The following CD74 variants were observed in gnomAD, a reference collection of about 807,000 sequenced individuals.
CD74 encodes the protein CD74 molecule.
A neutral mutation model predicts 37.1 loss-of-function variants in CD74; 20 were observed. That is an observed-to-expected ratio of 0.54 (90% confidence interval 0.38 to 0.78). The LOEUF (loss-of-function observed/expected upper bound fraction) is 0.78, where lower values mean the gene tolerates loss of function less well. Ranked by LOEUF, CD74 falls within the 30% of genes least tolerant of loss-of-function variation. CD74 has a pLI of 0.00. For synonymous variants in CD74, 150 were observed against 152.0 expected, an observed-to-expected ratio of 0.99 and a Z score of 0.10; for missense variants, 338 against 389.5, an observed-to-expected ratio of 0.87 and a Z score of 1.11.
rs1561549786 is a variant in CD74, at chr5:150,402,454, G to GA, written c.880+108dup. The GA allele has an allele frequency of 2.0e-6, 2 of 1,022,906 alleles. No individual in the cohort carries two copies. The highest frequency in any genetic ancestry group is 3.1e-6 in the Non-Finnish European group (2 of 642,612). The allele number at this position is 1,022,906 out of a possible 1,614,324, so 63.4% of individuals were successfully genotyped here. A position where few individuals can be genotyped will look rare whatever the true frequency, so the allele number is the denominator to read the frequency against. On this transcript the variant is annotated intron_variant, in intron 8 of 8. Coordinates refer to ENST00000009530, the MANE Select transcript of CD74 (RefSeq NM_001025159.3). This position sits in a 1 kb window ranked among gnomAD's most constrained non-coding sequence, Gnocchi z 4.2. Reference sequence around the variant, plus strand: ...TTCGTCTGTGAAATGGACATCCCAGGAATGTTGGAGAGTGGCCCAGCGTCA... The same window carrying GA: ...TTCGTCTGTGAAATGGACATCCCAGGAAATGTTGGAGAGTGGCCCAGCGTCA...
rs2151167228 is a variant in CD74 at position 150,402,576 on chromosome 5, C to T, written c.867G>A (p.Gln289=). ...CAAGGCCCTTACCTGGGCCCAGATCCTGCTTGGTCACACCCAGCCCAGAAG... is the reference window on the plus strand; with the variant it reads ...CAAGGCCCTTACCTGGGCCCAGATCTTGCTTGGTCACACCCAGCCCAGAAG... ...DPSSGLGVTK[Q]DLGPVPM Residue 289 remains glutamine (Q), a synonymous_variant, in exon 8 of 9, where the codon CAG becomes CAA. Transcript: ENST00000009530. The surrounding 1 kb of genome is among the most constrained non-coding windows in gnomAD (Gnocchi z 4.2). 1.9e-6 allele frequency: 3 copies of T among 1,614,060 alleles called. No individual in the cohort carries two copies. The highest frequency in any genetic ancestry group is 2.5e-6 in the Non-Finnish European group (3 of 1,179,918).
chr5:150,402,411 G>A lies in CD74; in HGVS notation c.880+152C>T. On this transcript the variant is annotated intron_variant, in intron 8 of 8. Transcript: ENST00000009530. The surrounding 1 kb of genome is among the most constrained non-coding windows in gnomAD (Gnocchi z 4.2). ...TCATGGATTTGTGTAACTCCCCACA[G>A]CCCCCCAACCCTGTTCCTTCGTCTG... is the stretch of plus-strand genomic sequence containing the variant. 1 of 895,262 alleles carries A rather than the reference G, an allele frequency of 1.1e-6. No homozygotes were observed. The highest frequency in any genetic ancestry group is 2.4e-5 in the East Asian group (1 of 41,524). The allele number at this position is 895,262 out of a possible 1,614,324, so 55.5% of individuals were successfully genotyped here. A position where few individuals can be genotyped will look rare whatever the true frequency, so the allele number is the denominator to read the frequency against.
rs200893260 is a variant in CD74 at position 150,403,140 on chromosome 5, G to A, written c.798C>T (p.Arg266=). The change falls in exon 7 of 9, where the codon CGC becomes CGT. Residue 266 remains arginine (R), a synonymous_variant. Transcript: ENST00000009530. The surrounding 1 kb of genome is among the most constrained non-coding windows in gnomAD (Gnocchi z 4.5). ...NGTEVPNTRS[R]GHHNCSESLE... is the part of the protein sequence containing the mutation. ...GCTTACCACTGCAGTTATGGTGCCCGCGGCTTCTGGTGTTGGGGACCTCCG... is the reference window on the plus strand; with the variant it reads ...GCTTACCACTGCAGTTATGGTGCCCACGGCTTCTGGTGTTGGGGACCTCCG... 374 of 1,613,814 alleles carry A rather than the reference G, an allele frequency of 2.3e-4. 6 individuals are homozygous for A. The highest frequency in any genetic ancestry group is 2.3e-3 in the South Asian group (211 of 91,080).
intron 1 of CD74, among the ~76,000 whole-genome samples, chr5:150,408,167 C>G (rs1467944532): frequency 6.6e-6 from 1 of 152,136 alleles, no homozygotes; most frequent in African/African-American, 2.4e-5. Context: ...ACCCCTCTGC[C>G]CAACCTCCCA....
At chr5:150,405,253 C>G in intron 4 of CD74, 73 bp from the exon 5 acceptor site, 1 of 1,507,070 alleles carries the variant, frequency 6.6e-7, no homozygotes, top group Non-Finnish European at 8.9e-7. Flanking sequence ...GTGTAGCCCA[C>G]GTTCCCTTGG....
Position 150,406,338 on chromosome 5 carries a change from CAGA to C in CD74, c.379-20_379-18del, listed in dbSNP as rs765937016. On this transcript the variant is annotated intron_variant, in intron 3 of 8. Transcript: ENST00000009530. ...CTGCATGGGCTGTGGGAGGAAGTAA[CAGA>C]AGGTTACCAGAGCTGGTCCCTGGAG... The C allele has an allele frequency of 2.2e-5, 35 of 1,609,656 alleles. No homozygotes were observed. The African/African-American group carries it at 3.9e-4, about 18-fold the overall frequency.
At position 150,406,284 on chromosome 5, in the gene CD74, T is replaced by C. The variant is rs1337230310; in HGVS notation, c.416A>G (p.Glu139Gly). 6.2e-7 allele frequency: 1 copy of C among 1,613,828 alleles called. No homozygotes were observed. Among genetic ancestry groups the C allele is most frequent in the Non-Finnish European group, 8.5e-7 (1 of 1,179,932 alleles). ...QNATKYGNMT[E>G]DHVMHLLQNA... Reference sequence around the variant, plus strand: ...CTGGAGCAGGTGCATCACATGGTCCTCTGTCATGTTGCCATACTTGGTGGC... The same window carrying C: ...CTGGAGCAGGTGCATCACATGGTCCCCTGTCATGTTGCCATACTTGGTGGC... The change falls in exon 4 of 9, where the codon GAG (glutamate) becomes GGG (glycine). Residue 139 changes from glutamate (E) to glycine (G), a missense_variant. By Grantham distance (98) the Glu-to-Gly change is moderately conservative (BLOSUM62 -2). Transcript: ENST00000009530.
chr5:150,409,644 G>A (rs2095198708), intron 1 of CD74, among the ~76,000 whole-genome samples: 1 of 139,258 alleles, frequency 7.2e-6, no homozygotes, highest in Non-Finnish European at 1.5e-5. Context: ...TGTGAGCCAA[G>A]ATCACACCAC....
chr5:150,406,436 A>G, intron 3 of CD74, 115 bp from the exon 4 acceptor site: 1 of 802,284 alleles, frequency 1.2e-6, no homozygotes, highest in Non-Finnish European at 2.2e-6. Context: ...CACTTGGTCA[A>G]TGGTTCCATC....
rs2151167917 is a variant in CD74, at chr5:150,402,728, G to T, written c.818-103C>A. The T allele has an allele frequency of 1.0e-6, 1 of 973,402 alleles. No homozygotes were observed. Among genetic ancestry groups the T allele is most frequent in the East Asian group, 2.4e-5 (1 of 41,328 alleles). The allele number at this position is 973,402 out of a possible 1,614,324, so 60.3% of individuals were successfully genotyped here. On this transcript the variant is annotated intron_variant, in intron 7 of 8. Coordinates refer to ENST00000009530, the MANE Select transcript of CD74 (RefSeq NM_001025159.3). The surrounding 1 kb of genome is among the most constrained non-coding windows in gnomAD (Gnocchi z 4.2). ...CACCTAGCCACAGGCTTAGTGCCTG[G>T]GAAAGCAGGTACCCAGGGAAGGACA...
chr5:150,408,659 G>C (rs933299749), intron 1 of CD74, among the ~76,000 whole-genome samples: 1 of 152,114 alleles, frequency 6.6e-6, no homozygotes, highest in Non-Finnish European at 1.5e-5. Context: ...ATGCGACTGG[G>C]GGGTGCATGC....
chr5:150,409,768 T>TTATGTTTG (rs1554082700), intron 1 of CD74, among the ~76,000 whole-genome samples: 9 of 147,586 alleles, frequency 6.1e-5, no homozygotes, highest in Non-Finnish European at 1.2e-4. Flanking sequence ...TCTGGGTGTT[T>TTATGTTTG]TTTGTTTGTT....
At position 150,403,232 on chromosome 5, in the gene CD74, C is replaced by T. The variant is rs1335527634; in HGVS notation, c.706G>A (p.Gly236Ser). The change falls in exon 7 of 9, where the codon GGC (glycine) becomes AGC (serine). Residue 236 changes from glycine (G) to serine (S), a missense_variant. Transcript: ENST00000009530. The surrounding 1 kb of genome is among the most constrained non-coding windows in gnomAD (Gnocchi z 4.5). ...GSFRPKCDENGNYLPLQCYGS... is the reference protein window; with the variant it reads ...GSFRPKCDENSNYLPLQCYGS... ...TAGCACTGGAGTGGCAGATAGTTGC[C>T]GTTCTCGTCGCACTTGGGCCTGAAT... The T allele has an allele frequency of 4.3e-6, 7 of 1,614,010 alleles. No individual in the cohort carries two copies. The highest frequency in any genetic ancestry group is 2.2e-5 in the South Asian group (2 of 91,088).
At chr5:150,412,492 C>T (rs1770401641) in intron 1 of CD74, 133 bp downstream of exon 1, 3 of 694,296 alleles carry the variant, frequency 4.3e-6, no homozygotes, top group Non-Finnish European at 7.4e-6. Context: ...CTCAAAATCA[C>T]CCAAAAAGTC....
At chr5:150,411,709 G>A (rs1215442690) in intron 1 of CD74, among the ~76,000 whole-genome samples, 8 of 152,102 alleles carry the variant, frequency 5.3e-5, no homozygotes, top group African/African-American at 1.4e-4. Flanking sequence ...CATGACCCCC[G>A]TCAACCCTGA....
In CD74 at chr5:150,407,195, G is replaced by A; in HGVS notation, c.255C>T (p.Ser85=). The change falls in exon 2 of 9, where the codon TCC becomes TCT. Residue 85 remains serine (S), a synonymous_variant. Transcript: ENST00000009530. This position sits in a 1 kb window ranked among gnomAD's most constrained non-coding sequence, Gnocchi z 4.4. ...GCAGGTTCTCCAGCTGCAGGTTCTG[G>A]GAGGTGACTGTCAGTTTGTCCAGCC... ...QGRLDKLTVT[S]QNLQLENLRM... The A allele has an allele frequency of 6.2e-7, 1 of 1,614,056 alleles. No homozygotes were observed. The highest frequency in any genetic ancestry group is 8.5e-7 in the Non-Finnish European group (1 of 1,179,974).
At chr5:150,405,426 A>G (rs1002087935) in intron 4 of CD74, 3 of 1,247,800 alleles carry the variant, frequency 2.4e-6, no homozygotes, top group Non-Finnish European at 3.0e-6. Context: ...AGCTCTACCA[A>G]CAAGCCCCAG....
At position 150,406,386 on chromosome 5, in the gene CD74, GC is replaced by G. The variant is rs1370311662; in HGVS notation, c.379-66del. ...CTGGAGCAGGGGGTATGGAGCAGGA[GC>G]CGGTTGCTGGGATCTAGGTAAGAGA... On this transcript the variant is annotated intron_variant, in intron 3 of 8. Coordinates refer to ENST00000009530, the MANE Select transcript of CD74 (RefSeq NM_001025159.3). 3.0e-6 allele frequency: 4 copies of G among 1,316,408 alleles called. No individual in the cohort carries two copies. The Admixed American group carries it at 6.7e-5, about 22-fold the overall frequency. 81.5% of individuals were successfully genotyped at this position (1,316,408 alleles called of 1,614,324 possible). A position where few individuals can be genotyped will look rare whatever the true frequency, so the allele number is the denominator to read the frequency against.
At chr5:150,405,482 C>G (rs1769903675) in intron 4 of CD74, 1 of 1,134,088 alleles carries the variant, frequency 8.8e-7, no homozygotes, top group Non-Finnish European at 1.1e-6. Flanking sequence ...CTTACCTGCT[C>G]CAGCAGGTGA....
Sources: gnomAD v4.1 joint callset for allele counts (sites outside exome capture counted in the v4.1 genomes callset) on GRCh38, gnomAD v4.1.1 for gene constraint, Gnocchi (gnomAD v3.1) non-coding constraint, MANE v1.5 for transcripts, NCBI Gene and HGNC (gene_info 2026-07-23, HGNC 2026-07-21) for gene names.